The following SNX32 variants were observed in gnomAD, a reference collection of about 807,000 sequenced individuals.
SNX32 encodes the protein sorting nexin 32.
A neutral mutation model predicts 57.0 loss-of-function variants in SNX32; 58 were observed. The ratio of observed to expected loss-of-function variants is 1.02; its 90% confidence interval spans 0.82 to 1.27. The LOEUF is 1.27. SNX32 is among the 50% of genes most tolerant of loss of function. The pLI is 0.00. For missense variants in SNX32, 589 were observed against 541.2 expected (o/e 1.09, Z -0.88); for synonymous variants, 262 against 220.4 (o/e 1.19, Z -1.67).
chr11:65,851,672 G>T lies in SNX32; in HGVS notation c.818G>T (p.Arg273Leu). Reference protein sequence around the residue: ...SFLKLAELFERLRKLEGRVAS... With the variant: ...SFLKLAELFELLRKLEGRVAS... ...CTCAAATTGGCAGAGCTCTTTGAAC[G>T]GCTGAGGGTGAGTACTGCCTTCTGT... The change falls in exon 9 of 13, where the codon CGG becomes CTG. Residue 273 changes from arginine to leucine, a missense_variant. Transcript: ENST00000308342. The T allele has an allele frequency of 6.2e-7, 1 of 1,614,104 alleles. No individual in the cohort carries two copies. The highest frequency in any genetic ancestry group is 1.1e-5 in the South Asian group (1 of 91,072).
In SNX32 at chr11:65,849,576, A is replaced by G. The variant is rs910157848; in HGVS notation, c.135A>G (p.Gln45=). The change falls in exon 2 of 13, where the codon CAA becomes CAG. Residue 45 remains glutamine, a synonymous_variant. Transcript: ENST00000308342. Reference sequence around the variant, plus strand: ...GGGACAAGGTGAAATTCACTGTTCAAACAAAGGTGAGGCAGTGCGGGGCAC... The same window carrying G: ...GGGACAAGGTGAAATTCACTGTTCAGACAAAGGTGAGGCAGTGCGGGGCAC... ...SERDKVKFTV[Q]TKSCLPHFAQ... is the part of the protein sequence containing the mutation. 13 of 1,613,782 alleles carry G rather than the reference A, an allele frequency of 8.1e-6. No homozygotes were observed. Among genetic ancestry groups the G allele is most frequent in the Non-Finnish European group, 1.1e-5 (13 of 1,179,792 alleles).
chr11:65,834,793 CTGTG>C (rs1354856133), intron 1 of SNX32, among the ~76,000 whole-genome samples: 14 of 144,668 alleles, frequency 9.7e-5, no homozygotes, highest in East Asian at 4.3e-4. Context: ...GTGTGTGTCT[CTGTG>C]TGTGTGTATG....
chr11:65,850,563 G>A lies in SNX32; in HGVS notation c.498+9G>A. 6.3e-7 allele frequency: 1 copy of A among 1,599,406 alleles called. No homozygotes were observed. Among genetic ancestry groups the A allele is most frequent in the East Asian group, 2.3e-5 (1 of 44,130 alleles). ...TGGAATATGGACAGGATGTGAGCTG[G>A]GCCGAATCCCTGGGGTCACCCTTGG... On this transcript the variant is annotated intron_variant, in intron 5 of 12. Coordinates refer to ENST00000308342, the MANE Select transcript of SNX32 (RefSeq NM_152760.3).
At chr11:65,837,286 G>GA (rs1178634279) in intron 1 of SNX32, among the ~76,000 whole-genome samples, 17 of 151,066 alleles carry the variant, frequency 1.1e-4, no homozygotes, top group African/African-American at 3.2e-4. Flanking sequence ...TTGTATTTTG[G>GA]AAAAAAAACA....
chr11:65,845,157 A>G (rs1858955729), intron 1 of SNX32, among the ~76,000 whole-genome samples: 1 of 145,290 alleles, frequency 6.9e-6, no homozygotes, highest in Non-Finnish European at 1.5e-5. Flanking sequence ...AAAAAAAAAA[A>G]GGCTGGGTGT....
Position 65,853,390 on chromosome 11 carries a change from C to T in SNX32, c.*55C>T. The stretch of plus-strand genomic sequence containing the variant: ...TGGGATCTCCAGTGACCAGGGTATC[C>T]CAGACCCCTCTCTCCGGCAAGATGT... On this transcript the variant is annotated 3_prime_UTR_variant, in exon 13 of 13. Transcript: ENST00000308342. 1 of 1,561,848 alleles carries T rather than the reference C, an allele frequency of 6.4e-7. No individual in the cohort carries two copies. Among genetic ancestry groups the T allele is most frequent in the South Asian group, 1.1e-5 (1 of 90,032 alleles).
intron 8 of SNX32, 71 bp downstream of exon 8, chr11:65,851,474 TG>T: frequency 6.4e-7 from 1 of 1,564,350 alleles, no homozygotes; most frequent in Admixed American, 1.7e-5. Flanking sequence ...GGGGTCACTC[TG>T]TAGATGTCTA....
intron 1 of SNX32, among the ~76,000 whole-genome samples, chr11:65,845,135 TAAAAA>T (rs766803127): frequency 2.9e-5 from 3 of 101,964 alleles, no homozygotes; most frequent in Non-Finnish European, 1.9e-5. Flanking sequence ...CCCCCTGCTT[TAAAAA>T]AAAAAAAAAA....
In SNX32 at chr11:65,850,487, G is replaced by A. The variant is rs773005814; in HGVS notation, c.431G>A (p.Arg144His). 7 of 1,614,008 alleles carry A rather than the reference G, an allele frequency of 4.3e-6. No individual in the cohort carries two copies. The highest frequency in any genetic ancestry group is 2.2e-5 in the South Asian group (2 of 91,090). ...GCGATGCACGAAGTCTTTCTGCAGC[G>A]CCTGGCGGCCCACCCCACCCTGCGT... The part of the protein sequence containing the change: ...TVAMHEVFLQ[R>H]LAAHPTLRRD... The change falls in exon 5 of 13, where the codon CGC becomes CAC. Residue 144 changes from arginine (R) to histidine (H), a missense_variant. By Grantham distance (29) the Arg-to-His change is conservative. Transcript: ENST00000308342.
At chr11:65,836,530 C>T (rs543976330) in intron 1 of SNX32, among the ~76,000 whole-genome samples, 10 of 152,094 alleles carry the variant, frequency 6.6e-5, no homozygotes, top group South Asian at 4.2e-4. Context: ...GGCAACAGAG[C>T]GAGAATCTGT....
At chr11:65,840,107 A>G (rs1858801032) in intron 1 of SNX32, among the ~76,000 whole-genome samples, 1 of 152,120 alleles carries the variant, frequency 6.6e-6, no homozygotes. Context: ...GTGAGCCAAG[A>G]TCGCGCCAGT....
At chr11:65,842,853 G>A (rs1312053311) in intron 1 of SNX32, among the ~76,000 whole-genome samples, 5 of 150,312 alleles carry the variant, frequency 3.3e-5, no homozygotes, top group African/African-American at 9.8e-5. Context: ...GGGAGGCTGA[G>A]GCAGGAGAAT....
At position 65,851,672 on chromosome 11, in the gene SNX32, G is replaced by C; in HGVS notation, c.818G>C (p.Arg273Pro). 6.2e-7 allele frequency: 1 copy of C among 1,614,104 alleles called. No individual in the cohort carries two copies. Among genetic ancestry groups the C allele is most frequent in the South Asian group, 1.1e-5 (1 of 91,072 alleles). ...CTCAAATTGGCAGAGCTCTTTGAAC[G>C]GCTGAGGGTGAGTACTGCCTTCTGT... is the stretch of plus-strand genomic sequence containing the variant. Reference protein sequence around the residue: ...SFLKLAELFERLRKLEGRVAS... With the variant: ...SFLKLAELFEPLRKLEGRVAS... The change falls in exon 9 of 13, where the codon CGG (arginine) becomes CCG (proline). Residue 273 changes from arginine to proline, a missense_variant. Physicochemically the swap from Arg to Pro is moderately radical, Grantham distance 103. Transcript: ENST00000308342.
At chr11:65,845,382 G>C (rs968469150) in intron 1 of SNX32, among the ~76,000 whole-genome samples, 3 of 150,966 alleles carry the variant, frequency 2.0e-5, no homozygotes, top group African/African-American at 7.3e-5. Flanking sequence ...AGGTTGCAGT[G>C]AGCTGAGATC....
At chr11:65,840,453 G>GTATAAAGGTAT (rs1858811292) in intron 1 of SNX32, among the ~76,000 whole-genome samples, 2 of 152,108 alleles carry the variant, frequency 1.3e-5, no homozygotes, top group Non-Finnish European at 2.9e-5. Context: ...ATAAAGGTTG[G>GTATAAAGGTAT]AAAGGAAGAA....
chr11:65,853,163 C>T (rs1859278179), intron 12 of SNX32, 119 bp from the exon 13 acceptor site: 5 of 1,454,532 alleles, frequency 3.4e-6, no homozygotes, highest in Non-Finnish European at 4.8e-6. Flanking sequence ...GCCCAATTAA[C>T]AGCAGCTGTT....
At chr11:65,842,809 G>A (rs1858878358) in intron 1 of SNX32, among the ~76,000 whole-genome samples, 1 of 150,762 alleles carries the variant, frequency 6.6e-6, no homozygotes, top group African/African-American at 2.4e-5. Flanking sequence ...AATGAGCTGG[G>A]TGTGGTGGTG....
chr11:65,851,524 GGGGATGGTGTT>G, intron 8 of SNX32, 105 bp from the exon 9 acceptor site: 1 of 1,514,868 alleles, frequency 6.6e-7, no homozygotes, highest in Non-Finnish European at 9.1e-7. Flanking sequence ...TCTCCTGTTG[GGGGATGGTGTT>G]GGGAAGGAAA....
At chr11:65,839,223 G>GTTTTTTTT (rs755185237) in intron 1 of SNX32, among the ~76,000 whole-genome samples, 383 of 22,952 alleles carry the variant, frequency 0.017, 34 homozygotes, top group Non-Finnish European at 0.022. Context: ...TAATTTTTTT[G>GTTTTTTTT]TATTTTTTTT....
Sources: allele counts gnomAD v4.1 joint callset (sites outside exome capture counted in the v4.1 genomes callset), GRCh38; gene constraint gnomAD v4.1.1; transcripts MANE v1.5; gene names NCBI Gene and HGNC (gene_info 2026-07-23, HGNC 2026-07-21).